Variants in CNTNAP5 observed in about 807,000 individuals in gnomAD.
CNTNAP5 encodes contactin associated protein family member 5.
Under a neutral mutation model 150.2 loss-of-function variants are expected in CNTNAP5, and 72 were observed. That is an observed-to-expected ratio of 0.48 (90% confidence interval 0.40 to 0.58). The LOEUF (loss-of-function observed/expected upper bound fraction) is 0.58, where lower values mean the gene tolerates loss of function less well. CNTNAP5 is among the 20% of genes least tolerant of loss of function. The pLI is 0.00. For synonymous variants in CNTNAP5, 672 were observed against 619.8 expected, an observed-to-expected ratio of 1.08 and a Z score of -1.25; for missense variants, 1,636 against 1,626.2, an observed-to-expected ratio of 1.01 and a Z score of -0.10.
At chr2:124,592,194 T>C (rs955222050) in intron 11 of CNTNAP5, among the ~76,000 whole-genome samples, 8 of 152,190 alleles carry the variant, frequency 5.3e-5, no homozygotes, top group Non-Finnish European at 1.0e-4. Context: ...TGGAAACATC[T>C]TTTTTCCCCC....
At chr2:124,100,604 G>A (rs941918884) in intron 1 of CNTNAP5, among the ~76,000 whole-genome samples, 3 of 152,008 alleles carry the variant, frequency 2.0e-5, no homozygotes, top group East Asian at 1.9e-4. Flanking sequence ...AGTGGCTCAC[G>A]CTCATAATTC....
chr2:124,048,006 C>T (rs922380472), intron 1 of CNTNAP5, among the ~76,000 whole-genome samples: 6 of 152,226 alleles, frequency 3.9e-5, no homozygotes, highest in African/African-American at 1.2e-4. Flanking sequence ...CTTTGCTTAG[C>T]TCCGTCATAA....
At chr2:124,362,011 G>A (rs1690218391) in intron 3 of CNTNAP5, among the ~76,000 whole-genome samples, 1 of 152,238 alleles carries the variant, frequency 6.6e-6, no homozygotes, top group African/African-American at 2.4e-5. Context: ...TAATCTTGTG[G>A]TGCGCCGTTT....
chr2:124,433,161 G>T (rs1427531777), intron 4 of CNTNAP5, among the ~76,000 whole-genome samples: 1 of 152,094 alleles, frequency 6.6e-6, no homozygotes, highest in African/African-American at 2.4e-5. Context: ...GCAGCTGTTG[G>T]TCTGTGGCCC....
At chr2:124,488,320 T>C (rs1573407994) in intron 7 of CNTNAP5, among the ~76,000 whole-genome samples, 5 of 152,326 alleles carry the variant, frequency 3.3e-5, no homozygotes, top group Admixed American at 3.3e-4. Flanking sequence ...ATTGTGTCAA[T>C]TGATTTTTAT....
chr2:124,810,030 C>T (rs949326185), intron 19 of CNTNAP5, among the ~76,000 whole-genome samples: 3 of 152,082 alleles, frequency 2.0e-5, no homozygotes, highest in Non-Finnish European at 4.4e-5. Context: ...CAGTTCTAAG[C>T]GGAAATGGTT....
intron 14 of CNTNAP5, among the ~76,000 whole-genome samples, chr2:124,752,548 G>A (rs1457771239): frequency 3.3e-5 from 5 of 152,248 alleles, no homozygotes; most frequent in South Asian, 2.1e-4. Flanking sequence ...TAAGAGGAAA[G>A]CTTTAACTAC....
At chr2:124,602,547 G>A (rs947933070) in intron 11 of CNTNAP5, among the ~76,000 whole-genome samples, 2 of 151,914 alleles carry the variant, frequency 1.3e-5, no homozygotes, top group African/African-American at 2.4e-5. Context: ...AGGCTGGAGT[G>A]CAGTGGCTTA....
chr2:124,818,985 A>C (rs314709), intron 19 of CNTNAP5, among the ~76,000 whole-genome samples: 1 of 151,980 alleles, frequency 6.6e-6, no homozygotes, highest in Non-Finnish European at 1.5e-5. Flanking sequence ...TTTCATGTAG[A>C]TCCCTTGTCT....
intron 13 of CNTNAP5, among the ~76,000 whole-genome samples, chr2:124,713,242 TC>T (rs1679850938): frequency 8.7e-4 from 13 of 14,946 alleles, no homozygotes; most frequent in Admixed American, 1.4e-3. Flanking sequence ...TTTCTTTCTT[TC>T]TCTTTCTTTC....
chr2:124,664,741 CAATG>C (rs772086064), intron 13 of CNTNAP5, among the ~76,000 whole-genome samples: 2 of 152,232 alleles, frequency 1.3e-5, no homozygotes, highest in African/African-American at 4.8e-5. Context: ...GGCTGGAGGA[CAATG>C]GCGCAATCTT....
chr2:124,665,272 C>G (rs1471645300), intron 13 of CNTNAP5, among the ~76,000 whole-genome samples: 1 of 152,154 alleles, frequency 6.6e-6, no homozygotes, highest in South Asian at 2.1e-4. Context: ...CTCTGAAGTA[C>G]TATGAACTAT....
At chr2:124,076,951 G>A (rs1456937514) in intron 1 of CNTNAP5, among the ~76,000 whole-genome samples, 2 of 152,214 alleles carry the variant, frequency 1.3e-5, no homozygotes, top group African/African-American at 4.8e-5. Context: ...AGGGCAAGGA[G>A]CATTTCAGAA....
intron 2 of CNTNAP5, among the ~76,000 whole-genome samples, chr2:124,234,064 A>G (rs964994667): frequency 2.0e-5 from 3 of 152,140 alleles, no homozygotes; most frequent in African/African-American, 7.2e-5. Flanking sequence ...GCAGTTTCAA[A>G]TCACTTCCAA....
intron 1 of CNTNAP5, among the ~76,000 whole-genome samples, chr2:124,152,923 T>C (rs1408142971): frequency 1.3e-5 from 2 of 152,078 alleles, no homozygotes; most frequent in Non-Finnish European, 2.9e-5. Context: ...TCAATGTTGG[T>C]TTCTATAGAA....
intron 1 of CNTNAP5, among the ~76,000 whole-genome samples, chr2:124,055,731 A>G (rs975887943): frequency 6.6e-6 from 1 of 152,028 alleles, no homozygotes; most frequent in Admixed American, 6.6e-5. Context: ...CTGAGGGATT[A>G]CTCCAACTTT....
At chr2:124,485,440 C>T (rs1351331527) in intron 7 of CNTNAP5, among the ~76,000 whole-genome samples, 1 of 151,572 alleles carries the variant, frequency 6.6e-6, no homozygotes, top group Non-Finnish European at 1.5e-5. Flanking sequence ...GGTGAAACCC[C>T]GTATCTACTA....
At chr2:124,724,840 C>A (rs1251505495) in intron 13 of CNTNAP5, among the ~76,000 whole-genome samples, 1 of 150,762 alleles carries the variant, frequency 6.6e-6, no homozygotes. Context: ...ATTAAGCCAG[C>A]AATTCGAAGG....
At chr2:124,392,235 A>G (rs1033266106) in intron 3 of CNTNAP5, among the ~76,000 whole-genome samples, 9 of 152,190 alleles carry the variant, frequency 5.9e-5, no homozygotes, top group African/African-American at 1.9e-4. Flanking sequence ...AGGAATGAAG[A>G]ACTATAAAAG....
Sources: allele counts gnomAD v4.1 joint callset (sites outside exome capture counted in the v4.1 genomes callset), GRCh38; gene constraint gnomAD v4.1.1; transcripts MANE v1.5; gene names NCBI Gene and HGNC (gene_info 2026-07-23, HGNC 2026-07-21).